Variants in SAMD13 observed in about 807,000 individuals in gnomAD.
The protein encoded by SAMD13 is sterile alpha motif domain containing 13.
In SAMD13, 9 loss-of-function variants were observed where a neutral mutation model predicts 12.4. The ratio of observed to expected loss-of-function variants is 0.72; its 90% CI spans 0.44 to 1.26. The LOEUF (loss-of-function observed/expected upper bound fraction) is 1.26. Among genes scored for constraint, SAMD13 ranks in the 50% most tolerant of loss-of-function variants. The pLI is 0.00. For missense variants in SAMD13, 84 were observed against 119.6 expected (o/e 0.70, Z 1.39); for synonymous variants, 46 against 45.4 (o/e 1.01, Z -0.05).
At chr1:84,334,275 A>G (rs560647501) in intron 3 of SAMD13, among the ~76,000 whole-genome samples, 4 of 151,912 alleles carry the variant, frequency 2.6e-5, no homozygotes, top group Admixed American at 6.6e-5. Context: ...TCCTTGTTCA[A>G]TCTTGGGAGG....
At chr1:84,341,896 A>C (rs1281338826) in intron 3 of SAMD13, among the ~76,000 whole-genome samples, 2 of 152,208 alleles carry the variant, frequency 1.3e-5, no homozygotes, top group African/African-American at 2.4e-5. Context: ...TACCAGTAGT[A>C]TATAATGGCT....
intron 3 of SAMD13, 33 bp downstream of exon 3, chr1:84,325,781 T>C: frequency 7.5e-7 from 1 of 1,324,724 alleles, no homozygotes; most frequent in Non-Finnish European, 1.1e-6. Context: ...GTGATGAACA[T>C]GTGATGAACC....
chr1:84,306,537 A>G (rs1272329873), intron 2 of SAMD13, among the ~76,000 whole-genome samples: 1 of 150,854 alleles, frequency 6.6e-6, no homozygotes, highest in East Asian at 2.0e-4. Context: ...GGTGGCTAAC[A>G]CCTGTAATCC....
intron 3 of SAMD13, among the ~76,000 whole-genome samples, chr1:84,326,223 T>C (rs1159631692): frequency 2.6e-5 from 4 of 152,186 alleles, no homozygotes; most frequent in Non-Finnish European, 5.9e-5. Context: ...AAGCACAGGA[T>C]TGATAGTCGA....
At chr1:84,299,580 C>A, upstream of SAMD13, 1 of 1,503,596 alleles carries the variant, frequency 6.7e-7, no homozygotes. Flanking sequence ...CTTTATGCTA[C>A]ATACTACACA....
chr1:84,323,437 G>T (rs1207796600), intron 2 of SAMD13, among the ~76,000 whole-genome samples: 1 of 152,088 alleles, frequency 6.6e-6, no homozygotes, highest in Admixed American at 6.6e-5. Context: ...GTGCATATGG[G>T]TATGTGTGTA....
chr1:84,329,093 T>G (rs1334269323), intron 3 of SAMD13, among the ~76,000 whole-genome samples: 3 of 152,074 alleles, frequency 2.0e-5, no homozygotes, highest in African/African-American at 4.8e-5. Flanking sequence ...TAATTAGGTT[T>G]AGATGAGGTC....
chr1:84,325,721 G>A lies in SAMD13; in HGVS notation c.138G>A (p.Glu46=), dbSNP rs762840968. The change falls in exon 3 of 4, where the codon GAG becomes GAA. Residue 46 remains glutamate (E), a synonymous_variant. Coordinates refer to ENST00000394834, the MANE Select transcript of SAMD13 (RefSeq NM_001134663.2). ...VVNYFRTVGF[E]EQASAFQEQE... ...ATTATTTCCGAACCGTGGGATTTGA[G>A]GAGCAAGCTAGTGCTTTTCAGGAAC... 8.7e-6 allele frequency: 14 copies of A among 1,612,572 alleles called. No homozygotes were observed. The South Asian group carries it at 1.2e-4, about 14-fold the overall frequency.
intron 2 of SAMD13, among the ~76,000 whole-genome samples, chr1:84,314,697 G>A (rs1238596282): frequency 2.0e-5 from 3 of 152,088 alleles, no homozygotes; most frequent in Non-Finnish European, 2.9e-5. Context: ...AGGGGGCGTG[G>A]CAGTGATCAT....
intron 3 of SAMD13, among the ~76,000 whole-genome samples, chr1:84,329,591 T>G (rs1259846066): frequency 6.6e-6 from 1 of 152,178 alleles, no homozygotes; most frequent in African/African-American, 2.4e-5. Context: ...GCAGCTGGAT[T>G]AAGGTGGTGG....
At chr1:84,336,931 C>T (rs1301101995) in intron 3 of SAMD13, among the ~76,000 whole-genome samples, 1 of 152,172 alleles carries the variant, frequency 6.6e-6, no homozygotes, top group African/African-American at 2.4e-5. Flanking sequence ...AAAGGGGCTA[C>T]AGGCCCCCAA....
In SAMD13 at chr1:84,349,970, G is replaced by A; in HGVS notation, c.*196G>A. 1 of 1,237,720 alleles carries A rather than the reference G, an allele frequency of 8.1e-7. No homozygotes were observed. The highest frequency in any genetic ancestry group is 1.0e-6 in the Non-Finnish European group (1 of 966,222). The allele number at this position is 1,237,720 out of a possible 1,614,324, so 76.7% of individuals were successfully genotyped here. On this transcript the variant is annotated 3_prime_UTR_variant, in exon 4 of 4. Transcript: ENST00000394834. ...CAGCCAGGAGGAGCAAGGACAAGAT[G>A]CGCACAGGGTGGTTTTCCTCATGGA...
At chr1:84,320,317 T>G (rs1678914174) in intron 2 of SAMD13, among the ~76,000 whole-genome samples, 1 of 152,188 alleles carries the variant, frequency 6.6e-6, no homozygotes, top group Non-Finnish European at 1.5e-5. Flanking sequence ...AGCTAAAGAA[T>G]TTGGAATATA....
At chr1:84,347,094 A>G (rs1401204656) in intron 3 of SAMD13, among the ~76,000 whole-genome samples, 1 of 152,178 alleles carries the variant, frequency 6.6e-6, no homozygotes. Context: ...ATTGAGACTC[A>G]GGGCAGTTAA....
At chr1:84,331,247 A>G (rs1679174306) in intron 3 of SAMD13, among the ~76,000 whole-genome samples, 2 of 144,232 alleles carry the variant, frequency 1.4e-5, no homozygotes, top group South Asian at 4.9e-4. Context: ...GTGATTCTAG[A>G]TGGAGATTTC....
In SAMD13 at chr1:84,308,387, C is replaced by T. The variant is rs115814860; in HGVS notation, c.53+5100C>T. ...CCCCTATACATTGTAGGATGTTTCT[C>T]AGCATCCCCACCTTCTACCAATGAT... On this transcript the variant is annotated intron_variant, in intron 2 of 3. Coordinates refer to ENST00000394834, the MANE Select transcript of SAMD13 (RefSeq NM_001134663.2). Among the ~76,000 whole-genome samples the T allele has an allele frequency of 4.9e-3, 750 of 152,236 alleles. 9 individuals carry two copies. Among genetic ancestry groups the T allele is most frequent in the African/African-American group, 0.017 (696 of 41,542 alleles).
intron 2 of SAMD13, among the ~76,000 whole-genome samples, chr1:84,304,665 C>T (rs1465553739): frequency 6.6e-6 from 1 of 151,952 alleles, no homozygotes; most frequent in African/African-American, 2.4e-5. Flanking sequence ...CCCTCCTGTC[C>T]TTTTCTGCCC....
At chr1:84,326,614 G>A (rs530553033) in intron 3 of SAMD13, among the ~76,000 whole-genome samples, 86 of 152,270 alleles carry the variant, frequency 5.6e-4, no homozygotes, top group African/African-American at 2.0e-3. Context: ...AGTTCTGTGG[G>A]TAAACACAGA....
At chr1:84,348,895 G>A (rs1478470343) in intron 3 of SAMD13, among the ~76,000 whole-genome samples, 1 of 152,092 alleles carries the variant, frequency 6.6e-6, no homozygotes, top group African/African-American at 2.4e-5. Flanking sequence ...AACTTATCTT[G>A]GAGAGGTTGA....
Sources: gnomAD v4.1 joint callset for allele counts (sites outside exome capture counted in the v4.1 genomes callset) on GRCh38, gnomAD v4.1.1 for gene constraint, MANE v1.5 for transcripts, NCBI Gene and HGNC (gene_info 2026-07-23, HGNC 2026-07-21) for gene names.